Variants in RTEL1 observed in about 807,000 individuals in gnomAD.
RTEL1 encodes regulator of telomere length.
A neutral mutation model predicts 162.2 loss-of-function variants in RTEL1; 86 were observed. The observed-to-expected ratio is 0.53, with a 90% CI of 0.45 to 0.63. RTEL1 has a LOEUF of 0.63. RTEL1 is among the 30% of genes least tolerant of loss of function. RTEL1 has a pLI of 0.00. For missense variants in RTEL1, 1,941 were observed against 1,750.2 expected (o/e 1.11, Z -1.95); for synonymous variants, 958 against 717.9 (o/e 1.33, Z -5.35).
chr20:63,684,013 AT>A (rs2090537105), intron 14 of RTEL1, among the ~76,000 whole-genome samples: 1 of 148,266 alleles, frequency 6.7e-6, no homozygotes, highest in South Asian at 2.2e-4. Context: ...CATTTTTTCC[AT>A]TTTCATGACA....
intron 34 of RTEL1, 38 bp downstream of exon 34, chr20:63,695,688 C>T (rs376373895): frequency 7.6e-5 from 122 of 1,609,638 alleles, no homozygotes; most frequent in Non-Finnish European, 9.6e-5. Flanking sequence ...CTGGGTGTAG[C>T]CCCAGGTGAT....
intron 28 of RTEL1, 139 bp from the exon 29 acceptor site, chr20:63,692,666 C>T: frequency 1.2e-6 from 1 of 805,608 alleles, no homozygotes; most frequent in Non-Finnish European, 2.0e-6. Flanking sequence ...TCCATCCAGC[C>T]AGCCAGTTTC....
At position 63,695,864 on chromosome 20, in the gene RTEL1, C is replaced by T. The variant is rs746440216; in HGVS notation, c.*6C>T. ...TCTGGCCAGAGCCCCAGTGAGTGCC[C>T]ACGGAGGCCCCCAGCACACCCAACG... is the stretch of plus-strand genomic sequence containing the variant. On this transcript the variant is annotated 3_prime_UTR_variant, in exon 35 of 35. Coordinates refer to ENST00000360203, the MANE Select transcript of RTEL1 (RefSeq NM_001283009.2). The T allele has an allele frequency of 1.3e-6, 2 of 1,577,884 alleles. No homozygotes were observed. Among genetic ancestry groups the T allele is most frequent in the Non-Finnish European group, 1.7e-6 (2 of 1,163,536 alleles).
rs1164104793 is a variant in RTEL1 at position 63,668,086 on chromosome 20, G to A, written c.699+533G>A. Among the ~76,000 whole-genome samples the A allele has an allele frequency of 7.8e-5, 7 of 89,210 alleles. No individual in the cohort carries two copies. The highest frequency in any genetic ancestry group is 2.3e-4 in the African/African-American group (5 of 21,746). The allele number at this position is 89,210 out of a possible 152,430, so 58.5% of individuals were successfully genotyped here. A position where few individuals can be genotyped will look rare whatever the true frequency, so the allele number is the denominator to read the frequency against. On this transcript the variant is annotated intron_variant, in intron 8 of 34. Transcript: ENST00000360203. This position sits in a 1 kb window ranked among gnomAD's most constrained non-coding sequence, Gnocchi z 4.3. ...TGTGTGCCCAGCCCCACTCCCTTCC[G>A]CCCCGTGTGCCCAGCCCCACGCTCA... is the stretch of plus-strand genomic sequence containing the variant.
chr20:63,675,014 TCTC>T (rs1033901139), intron 10 of RTEL1, among the ~76,000 whole-genome samples: 1 of 152,024 alleles, frequency 6.6e-6, no homozygotes, highest in Non-Finnish European at 1.5e-5. Context: ...TTCAAGCAAT[TCTC>T]CTGCCTCAGC....
chr20:63,678,408 G>T, intron 12 of RTEL1, 62 bp downstream of exon 12: 1 of 1,490,836 alleles, frequency 6.7e-7, no homozygotes, highest in Non-Finnish European at 9.1e-7. Context: ...AACGGGCCAT[G>T]GTGCAGTCCT....
intron 12 of RTEL1, among the ~76,000 whole-genome samples, chr20:63,678,549 G>A (rs1477167304): frequency 6.6e-6 from 1 of 151,276 alleles, no homozygotes; most frequent in Non-Finnish European, 1.5e-5. Context: ...CCACGGGACA[G>A]CACACAGCCC....
At chr20:63,683,073 C>T (rs2090510173) in intron 14 of RTEL1, among the ~76,000 whole-genome samples, 1 of 152,236 alleles carries the variant, frequency 6.6e-6, no homozygotes, top group African/African-American at 2.4e-5. Context: ...AAGTGATCCT[C>T]TTGCCTCAGC....
Position 63,695,152 on chromosome 20 carries a change from G to C in RTEL1, c.3430G>C (p.Glu1144Gln). 4 of 1,612,424 alleles carry C rather than the reference G, an allele frequency of 2.5e-6. No individual in the cohort carries two copies. The South Asian group carries it at 4.4e-5, about 18-fold the overall frequency. ...GACCGGCCGGCCCTACCCGGGCATG[G>C]AGCCACCGGGACCCCAGGAGGAGAG... is the stretch of plus-strand genomic sequence containing the variant. Reference protein sequence around the residue: ...DLTGRPYPGMEPPGPQEERLA... With the variant: ...DLTGRPYPGMQPPGPQEERLA... The change falls in exon 33 of 35, where the codon GAG (glutamate) becomes CAG (glutamine). Residue 1144 changes from glutamate to glutamine, a missense_variant. Transcript: ENST00000360203.
chr20:63,667,040 C>A (rs183375482), intron 7 of RTEL1, among the ~76,000 whole-genome samples: 24 of 150,538 alleles, frequency 1.6e-4, no homozygotes, highest in African/African-American at 5.9e-4. Flanking sequence ...GGGGTTTCAC[C>A]GTGTTAGCCA....
intron 2 of RTEL1, among the ~76,000 whole-genome samples, chr20:63,660,304 G>A (rs1488879284): frequency 6.6e-6 from 1 of 152,152 alleles, no homozygotes; most frequent in Non-Finnish European, 1.5e-5. Flanking sequence ...CCCATCCCAC[G>A]AGGCCATATT....
intron 12 of RTEL1, among the ~76,000 whole-genome samples, chr20:63,678,641 A>ACTCCCACGAACAGCACACT (rs2090411753): frequency 8.8e-6 from 1 of 113,028 alleles, no homozygotes. Flanking sequence ...CAGCACACAC[A>ACTCCCACGAACAGCACACT]CTCCCACGGA....
chr20:63,663,469 C>T (rs912185456), intron 6 of RTEL1, among the ~76,000 whole-genome samples: 3 of 152,180 alleles, frequency 2.0e-5, no homozygotes, highest in Admixed American at 6.5e-5. Context: ...TGACAGGAGC[C>T]GGCCGGGGCA....
intron 28 of RTEL1, 114 bp downstream of exon 28, chr20:63,691,951 G>GACATC: frequency 1.3e-6 from 1 of 754,154 alleles, no homozygotes; most frequent in East Asian, 2.6e-5. Flanking sequence ...CCACCCCCAG[G>GACATC]AGCTGATGTC....
rs529112954 is a variant in RTEL1, at chr20:63,695,867, G to A, written c.*9G>A. 1.8e-5 allele frequency: 29 copies of A among 1,576,178 alleles called. 1 individual carries two copies. Among genetic ancestry groups the A allele is most frequent in the South Asian group, 1.0e-4 (9 of 86,274 alleles). ...GGCCAGAGCCCCAGTGAGTGCCCACGGAGGCCCCCAGCACACCCAACGTGG... is the reference window on the plus strand; with the variant it reads ...GGCCAGAGCCCCAGTGAGTGCCCACAGAGGCCCCCAGCACACCCAACGTGG... On this transcript the variant is annotated 3_prime_UTR_variant, in exon 35 of 35. Transcript: ENST00000360203.
At chr20:63,675,517 T>C (rs1235511675) in intron 10 of RTEL1, among the ~76,000 whole-genome samples, 1 of 144,906 alleles carries the variant, frequency 6.9e-6, no homozygotes, top group African/African-American at 2.7e-5. Flanking sequence ...TATATATATA[T>C]ATACATATAT....
At chr20:63,669,297 C>T (rs536676936) in intron 8 of RTEL1, among the ~76,000 whole-genome samples, 4 of 152,138 alleles carry the variant, frequency 2.6e-5, no homozygotes, top group Non-Finnish European at 4.4e-5. Flanking sequence ...CCTGTATAAA[C>T]CTAAATGTAA....
rs752858558 is a variant in RTEL1, at chr20:63,690,372, C to T, written c.2344C>T (p.Pro782Ser). 1.9e-6 allele frequency: 3 copies of T among 1,611,772 alleles called. No homozygotes were observed. In the South Asian group the frequency reaches 3.3e-5, roughly 18 times the overall value. Residue 782 changes from proline to serine, a missense_variant, in exon 26 of 35, where the codon CCC becomes TCC. Transcript: ENST00000360203. ...TGTCAGCGAGGCCAAGTCGCCTGGC[C>T]CCTTCTTCTCCACCAGGAAAGCTAA... The part of the protein sequence containing the change: ...DAVSEAKSPG[P>S]FFSTRKAKSL...
Position 63,689,142 on chromosome 20 carries a change from C to A in RTEL1, c.1878+10C>A. 1 of 1,607,238 alleles carries A rather than the reference C, an allele frequency of 6.2e-7. No individual in the cohort carries two copies. Among genetic ancestry groups the A allele is most frequent in the East Asian group, 2.2e-5 (1 of 44,872 alleles). On this transcript the variant is annotated intron_variant, in intron 22 of 34. Transcript: ENST00000360203. ...GGTCTGCCGGGGCAAGGTGAGCTCTCCAGGGCCCTCTGCCCTGACCTGGTT... is the reference window on the plus strand; with the variant it reads ...GGTCTGCCGGGGCAAGGTGAGCTCTACAGGGCCCTCTGCCCTGACCTGGTT...
Sources: gnomAD v4.1 joint callset for allele counts (sites outside exome capture counted in the v4.1 genomes callset) on GRCh38, gnomAD v4.1.1 for gene constraint, Gnocchi (gnomAD v3.1) non-coding constraint, MANE v1.5 for transcripts, NCBI Gene and HGNC (gene_info 2026-07-23, HGNC 2026-07-21) for gene names.